The following KLF12 variants were observed in gnomAD, a reference collection of about 807,000 sequenced individuals.
KLF12 encodes the protein KLF transcription factor 12, also known as Krueppel-like factor 12.
A neutral mutation model predicts 37.8 loss-of-function variants in KLF12; 9 were observed. The observed-to-expected ratio is 0.24, with a 90% confidence interval of 0.14 to 0.42. The LOEUF (loss-of-function observed/expected upper bound fraction) is 0.42, where lower values mean the gene tolerates loss of function less well. KLF12 is among the 10% of genes least tolerant of loss of function. The pLI, the probability that KLF12 is intolerant of heterozygous loss-of-function variation, is 1.00. For missense variants in KLF12, 411 were observed against 516.0 expected (o/e 0.80, Z 1.97); for synonymous variants, 208 against 202.1 (o/e 1.03, Z -0.25).
chr13:74,081,584 G>A (rs891563395), intron 1 of KLF12, among the ~76,000 whole-genome samples: 1 of 152,094 alleles, frequency 6.6e-6, no homozygotes, highest in Non-Finnish European at 1.5e-5. Flanking sequence ...AACAGACAAT[G>A]GATCTGCCAT....
the KLF12 span, among the ~76,000 whole-genome samples, chr13:74,251,010 CCTGTCCTG>C: frequency 6.6e-6 from 1 of 152,198 alleles, no homozygotes; most frequent in Non-Finnish European, 1.5e-5. Context: ...ATGCCTGCTG[CCTGTCCTG>C]ACATTGCCCC....
intron 5 of KLF12, among the ~76,000 whole-genome samples, chr13:73,808,671 G>T (rs1882773588): frequency 6.6e-6 from 1 of 152,044 alleles, no homozygotes; most frequent in Non-Finnish European, 1.5e-5. Context: ...AGACATTTAG[G>T]ACAAATAATT....
At chr13:74,019,065 A>G (rs557309990) in intron 1 of KLF12, among the ~76,000 whole-genome samples, 57 of 152,340 alleles carry the variant, frequency 3.7e-4, no homozygotes, top group African/African-American at 1.3e-3. Flanking sequence ...TTATAATAAC[A>G]TATTAGAGGT....
chr13:74,212,026 T>A, the KLF12 span, among the ~76,000 whole-genome samples: 3 of 152,208 alleles, frequency 2.0e-5, no homozygotes, highest in African/African-American at 4.8e-5. Context: ...GTTTAATGTT[T>A]TTATTTTTCA....
the KLF12 span, among the ~76,000 whole-genome samples, chr13:74,213,620 T>C: frequency 7.6e-6 from 1 of 131,708 alleles, no homozygotes; most frequent in Non-Finnish European, 1.6e-5. Context: ...CCTCTCTTCC[T>C]CCCTCCCTCC....
chr13:73,802,114 G>A (rs1882309832), intron 5 of KLF12: 1 of 152,064 alleles, frequency 6.6e-6, no homozygotes, highest in African/African-American at 2.4e-5. Context: ...CAAATTGATT[G>A]TTTAGCATTA....
intron 1 of KLF12, among the ~76,000 whole-genome samples, chr13:74,080,626 T>C (rs146775431): frequency 6.6e-6 from 1 of 152,136 alleles, no homozygotes; most frequent in African/African-American, 2.4e-5. Flanking sequence ...TAGGGTAAAA[T>C]AACTGGTATT....
At chr13:73,927,358 G>A (rs982107739) in intron 3 of KLF12, among the ~76,000 whole-genome samples, 16 of 152,092 alleles carry the variant, frequency 1.1e-4, no homozygotes, top group African/African-American at 2.9e-4. Context: ...AATGAGGAAC[G>A]TACCCTCTCT....
At chr13:74,289,355 A>G in the KLF12 span, 3 of 152,214 alleles carry the variant, frequency 2.0e-5, no homozygotes, top group Non-Finnish European at 4.4e-5. Context: ...TCAGTGGAGT[A>G]GTAAGGGAAG....
At chr13:74,281,669 G>T in the KLF12 span, among the ~76,000 whole-genome samples, 1 of 152,104 alleles carries the variant, frequency 6.6e-6, no homozygotes, top group Non-Finnish European at 1.5e-5. Flanking sequence ...ATCAAAATAT[G>T]TACAAATTCA....
chr13:73,716,370 G>A (rs552663859), intron 6 of KLF12, among the ~76,000 whole-genome samples: 16 of 152,254 alleles, frequency 1.1e-4, no homozygotes. Flanking sequence ...ATTACAGTGA[G>A]ATATGATAAA....
At chr13:74,266,468 G>A in the KLF12 span, among the ~76,000 whole-genome samples, 10 of 152,106 alleles carry the variant, frequency 6.6e-5, no homozygotes, top group African/African-American at 1.7e-4. Flanking sequence ...GCATCCACGT[G>A]CACATATACA....
the KLF12 span, among the ~76,000 whole-genome samples, chr13:74,223,130 T>C: frequency 6.6e-6 from 1 of 152,230 alleles, no homozygotes; most frequent in Non-Finnish European, 1.5e-5. Flanking sequence ...TCAAAATGGC[T>C]TAATTTAGTT....
At chr13:73,845,069 C>A (rs1400009479) in intron 4 of KLF12, 1 of 152,096 alleles carries the variant, frequency 6.6e-6, no homozygotes, top group African/African-American at 2.4e-5. Flanking sequence ...AAAATAACTT[C>A]ATGACCAGCT....
chr13:74,292,290 C>G, the KLF12 span, among the ~76,000 whole-genome samples: 2 of 152,150 alleles, frequency 1.3e-5, no homozygotes, highest in African/African-American at 4.8e-5. Context: ...AGTAGCTTTG[C>G]AACCTTGATC....
intron 3 of KLF12, among the ~76,000 whole-genome samples, chr13:73,873,435 T>G (rs184224572): frequency 6.6e-6 from 1 of 152,322 alleles, no homozygotes; most frequent in Admixed American, 6.5e-5. Context: ...ATCAATTTTT[T>G]GTTTAGTTTT....
At chr13:73,811,450 T>A (rs9573300) in intron 5 of KLF12, among the ~76,000 whole-genome samples, 51,054 of 151,772 alleles carry the variant, frequency 0.34, 8,923 homozygotes, top group East Asian at 0.63. Context: ...GAATAATGAC[T>A]CTTGCTGTAT....
chr13:74,189,398 C>T, the KLF12 span, among the ~76,000 whole-genome samples: 30 of 152,164 alleles, frequency 2.0e-4, no homozygotes, highest in African/African-American at 7.0e-4. Flanking sequence ...TCATTTGCAG[C>T]GAGGCCACAG....
chr13:74,156,410 G>C, the KLF12 span, among the ~76,000 whole-genome samples: 1 of 152,126 alleles, frequency 6.6e-6, no homozygotes, highest in Non-Finnish European at 1.5e-5. Context: ...TGTAGGCTCT[G>C]AGTCAACCAA....
Sources: allele counts gnomAD v4.1 joint callset (sites outside exome capture counted in the v4.1 genomes callset), GRCh38; gene constraint gnomAD v4.1.1; transcripts MANE v1.5; gene names NCBI Gene and HGNC (gene_info 2026-07-23, HGNC 2026-07-21).